KDM4B: variants seen among roughly 807,000 people sequenced by gnomAD.
KDM4B encodes lysine-specific demethylase 4B.
In KDM4B, 32 loss-of-function variants were observed where a neutral mutation model predicts 125.2. That is an observed-to-expected ratio of 0.26 (90% CI 0.19 to 0.34). The LOEUF (loss-of-function observed/expected upper bound fraction) is 0.34, where lower values mean the gene tolerates loss of function less well. Among genes scored for constraint, KDM4B ranks in the 10% least tolerant of loss-of-function variants. The pLI is 1.00. For synonymous variants in KDM4B, 721 were observed against 677.9 expected (o/e 1.06, Z -0.99); for missense variants, 1,190 against 1,577.7 (o/e 0.75, Z 4.16).
chr19:5,028,464 T>C (rs2036350504), intron 2 of KDM4B, among the ~76,000 whole-genome samples: 2 of 152,240 alleles, frequency 1.3e-5, no homozygotes, highest in African/African-American at 4.8e-5. Context: ...CCATGTTGTG[T>C]TGATTCATTC....
At chr19:4,982,207 G>T (rs907517495) in intron 1 of KDM4B, among the ~76,000 whole-genome samples, 1 of 151,668 alleles carries the variant, frequency 6.6e-6, no homozygotes, top group Non-Finnish European at 1.5e-5. Context: ...CAGGAGAATC[G>T]CTTGAACCTG....
chr19:5,067,925 A>AACTTGTGATGGTC (rs2037824897), intron 6 of KDM4B, among the ~76,000 whole-genome samples: 1 of 152,062 alleles, frequency 6.6e-6, no homozygotes, highest in East Asian at 1.9e-4. Flanking sequence ...CTTGTGATGG[A>AACTTGTGATGGTC]AACCGAGCTC....
At chr19:5,090,847 C>T (rs1293208272) in intron 9 of KDM4B, among the ~76,000 whole-genome samples, 3 of 151,534 alleles carry the variant, frequency 2.0e-5, no homozygotes, top group South Asian at 2.1e-4. Context: ...TCTGGGAGCC[C>T]ACACCCTCCC....
intron 5 of KDM4B, among the ~76,000 whole-genome samples, chr19:5,042,720 G>C (rs182819720): frequency 6.6e-6 from 1 of 151,216 alleles, no homozygotes; most frequent in Non-Finnish European, 1.5e-5. Flanking sequence ...GCCAGGTTTC[G>C]CGAGCACTCA....
At chr19:5,043,506 C>T (rs1201732267) in intron 5 of KDM4B, among the ~76,000 whole-genome samples, 1 of 141,554 alleles carries the variant, frequency 7.1e-6, no homozygotes, top group Non-Finnish European at 1.5e-5. Context: ...CTGTGTTTAT[C>T]GGAGTGGGGG....
intron 6 of KDM4B, among the ~76,000 whole-genome samples, chr19:5,061,035 T>C (rs2037578385): frequency 6.6e-6 from 1 of 152,152 alleles, no homozygotes; most frequent in Non-Finnish European, 1.5e-5. Context: ...GTGTATGAAG[T>C]TCGCACGGAT....
chr19:5,092,425 C>A (rs1157042625), intron 9 of KDM4B, among the ~76,000 whole-genome samples: 1 of 152,230 alleles, frequency 6.6e-6, no homozygotes, highest in Non-Finnish European at 1.5e-5. Flanking sequence ...TCCTTCCTTT[C>A]TCCCACTGCT....
intron 11 of KDM4B, among the ~76,000 whole-genome samples, chr19:5,122,243 A>G (rs1005871323): frequency 6.6e-6 from 1 of 151,968 alleles, no homozygotes; most frequent in Admixed American, 6.6e-5. Flanking sequence ...CTCCTCCTTC[A>G]CAGCCACAGT....
chr19:4,978,264 T>C (rs1448157451), intron 1 of KDM4B, among the ~76,000 whole-genome samples: 1 of 151,914 alleles, frequency 6.6e-6, no homozygotes, highest in Non-Finnish European at 1.5e-5. Context: ...CCCAGCACTT[T>C]GGGAGGCTGA....
chr19:5,038,249 C>T (rs55814126), intron 3 of KDM4B, among the ~76,000 whole-genome samples: 6,588 of 152,268 alleles, frequency 0.043, 379 homozygotes, highest in African/African-American at 0.13. Context: ...GGAGGGCCTG[C>T]ACAGAAGGGT....
chr19:5,070,093 A>T (rs911547885), intron 6 of KDM4B, among the ~76,000 whole-genome samples: 3 of 151,526 alleles, frequency 2.0e-5, no homozygotes, highest in Admixed American at 6.6e-5. Flanking sequence ...TGGCCTTGTT[A>T]CTCTAGAGTT....
intron 10 of KDM4B, among the ~76,000 whole-genome samples, chr19:5,118,735 C>T (rs564335788): frequency 7.2e-4 from 110 of 152,342 alleles, no homozygotes; most frequent in African/African-American, 2.5e-3. Flanking sequence ...CCCTCTCTCT[C>T]ATTTCTAAGA....
chr19:5,033,095 C>A, intron 3 of KDM4B, 64 bp downstream of exon 3: 1 of 1,574,482 alleles, frequency 6.4e-7, no homozygotes, highest in African/African-American at 1.4e-5. Flanking sequence ...TGCGGACATC[C>A]TGGGTCCCAG....
chr19:5,068,450 A>G (rs2037844589), intron 6 of KDM4B, among the ~76,000 whole-genome samples: 2 of 152,232 alleles, frequency 1.3e-5, no homozygotes, highest in African/African-American at 2.4e-5. Flanking sequence ...TGGTCCCCTA[A>G]GCGAACGCAA....
At chr19:5,070,914 C>G (rs2037927408) in intron 6 of KDM4B, 96 bp from the exon 7 acceptor site, 1 of 1,284,096 alleles carries the variant, frequency 7.8e-7, no homozygotes, top group Admixed American at 1.8e-5. Context: ...CTGCCCTGGG[C>G]ACTGTCTGCG....
intron 10 of KDM4B, among the ~76,000 whole-genome samples, chr19:5,117,801 C>G (rs992930090): frequency 2.6e-5 from 4 of 152,166 alleles, no homozygotes; most frequent in African/African-American, 7.2e-5. Flanking sequence ...CCGCAGCGAC[C>G]TTGTGTGCAC....
chr19:5,123,499 G>A (rs1424458991), intron 11 of KDM4B, among the ~76,000 whole-genome samples: 1 of 152,190 alleles, frequency 6.6e-6, no homozygotes, highest in Admixed American at 6.5e-5. Context: ...AACTCATTCC[G>A]TCTGCAGTGA....
intron 9 of KDM4B, 36 bp from the exon 10 acceptor site, chr19:5,110,586 G>A (rs1432648078): frequency 1.2e-6 from 2 of 1,609,050 alleles, no homozygotes; most frequent in Non-Finnish European, 1.7e-6. Context: ...CCGTCCAGGT[G>A]TGGCGCGAGG....
chr19:5,051,829 C>A (rs2620815), intron 6 of KDM4B, among the ~76,000 whole-genome samples: 10,274 of 152,214 alleles, frequency 0.067, 449 homozygotes, highest in Middle Eastern at 0.13. Flanking sequence ...CCCCCATTGC[C>A]CCAGGCAGGA....
Sources: gnomAD v4.1 joint callset for allele counts (sites outside exome capture counted in the v4.1 genomes callset) on GRCh38, gnomAD v4.1.1 for gene constraint, MANE v1.5 for transcripts, NCBI Gene and HGNC (gene_info 2026-07-23, HGNC 2026-07-21) for gene names.